Variants in RABGEF1 observed in about 807,000 individuals in gnomAD.
RABGEF1 encodes RAB guanine nucleotide exchange factor 1, also known as rab5 GDP/GTP exchange factor.
A neutral mutation model predicts 57.3 loss-of-function variants in RABGEF1; 26 were observed. The observed-to-expected ratio is 0.45, with a 90% CI of 0.33 to 0.63. RABGEF1 has a LOEUF of 0.63. Ranked by LOEUF, RABGEF1 falls within the 20% of genes least tolerant of loss-of-function variation. RABGEF1 has a pLI of 0.02. For missense variants in RABGEF1, 464 were observed against 607.6 expected, an observed-to-expected ratio of 0.76 and a Z score of 2.48; for synonymous variants, 185 against 210.7, an observed-to-expected ratio of 0.88 and a Z score of 1.06.
intron 7 of RABGEF1, among the ~76,000 whole-genome samples, chr7:66,802,457 A>G (rs1328188537): frequency 6.6e-6 from 1 of 152,172 alleles, no homozygotes; most frequent in Non-Finnish European, 1.5e-5. Context: ...TTTCCTATTC[A>G]TGTGAAGGCA....
At chr7:66,748,362 C>T (rs1280309919) in intron 1 of RABGEF1, among the ~76,000 whole-genome samples, 2 of 152,170 alleles carry the variant, frequency 1.3e-5, no homozygotes, top group African/African-American at 4.8e-5. Context: ...ACCTACCTTC[C>T]ATACTTTCTC....
intron 1 of RABGEF1, among the ~76,000 whole-genome samples, chr7:66,703,566 C>T (rs1268652768): frequency 6.6e-6 from 1 of 152,172 alleles, no homozygotes; most frequent in Admixed American, 6.5e-5. Flanking sequence ...TTCTTTCCCC[C>T]ATTGAATGAT....
At chr7:66,657,454 CA>C in the RABGEF1 span, among the ~76,000 whole-genome samples, 1 of 152,146 alleles carries the variant, frequency 6.6e-6, no homozygotes, top group Non-Finnish European at 1.5e-5. Flanking sequence ...AATGAAAACA[CA>C]ACATACCAGA....
At chr7:66,737,067 A>AGT (rs1371524253), upstream of RABGEF1, among the ~76,000 whole-genome samples, 71 of 85,654 alleles carry the variant, frequency 8.3e-4, 1 homozygote, top group South Asian at 3.7e-3. Flanking sequence ...AGAGAGAGAG[A>AGT]GAGAGTGAGA....
intron 1 of RABGEF1, among the ~76,000 whole-genome samples, chr7:66,765,400 T>A (rs1339003203): frequency 6.6e-6 from 1 of 152,086 alleles, no homozygotes; most frequent in African/African-American, 2.4e-5. Flanking sequence ...AGCACTCCTT[T>A]ATGTTTTTCT....
intron 1 of RABGEF1, among the ~76,000 whole-genome samples, chr7:66,745,027 A>C (rs992815648): frequency 3.3e-5 from 5 of 151,474 alleles, no homozygotes; most frequent in Non-Finnish European, 5.9e-5. Flanking sequence ...CCCATCTCTA[A>C]TAAAAATACA....
intron 4 of RABGEF1, among the ~76,000 whole-genome samples, chr7:66,795,052 C>T (rs1813685258): frequency 6.6e-6 from 1 of 152,154 alleles, no homozygotes; most frequent in Non-Finnish European, 1.5e-5. Context: ...CCAGCCTGCC[C>T]ACCGGGGTGG....
At chr7:66,691,473 A>G (rs1235152260) in intron 1 of RABGEF1, among the ~76,000 whole-genome samples, 1 of 152,184 alleles carries the variant, frequency 6.6e-6, no homozygotes, top group Admixed American at 6.6e-5. Context: ...ATGAGTGTCA[A>G]AAAATATGCT....
chr7:66,751,929 G>C (rs78864116), intron 1 of RABGEF1, among the ~76,000 whole-genome samples: 5 of 152,170 alleles, frequency 3.3e-5, no homozygotes, highest in African/African-American at 9.6e-5. Flanking sequence ...GGGCACATTG[G>C]CTCACACCTG....
chr7:66,655,533 T>C, the RABGEF1 span, among the ~76,000 whole-genome samples: 1 of 152,190 alleles, frequency 6.6e-6, no homozygotes. Context: ...AACTGCTTTG[T>C]TTTTCTTTAT....
chr7:66,776,353 T>C (rs1808532185), intron 3 of RABGEF1, among the ~76,000 whole-genome samples: 1 of 152,328 alleles, frequency 6.6e-6, no homozygotes, highest in Middle Eastern at 3.4e-3. Context: ...TTTTGTTTTA[T>C]TAAAAGGAAA....
the RABGEF1 span, among the ~76,000 whole-genome samples, chr7:66,672,236 C>T: frequency 2.0e-5 from 3 of 148,714 alleles, no homozygotes; most frequent in Non-Finnish European, 4.4e-5. Flanking sequence ...TCCTGGCTAA[C>T]GTGGTGAAAC....
chr7:66,783,944 A>G, intron 4 of RABGEF1, 103 bp downstream of exon 4: 1 of 1,122,708 alleles, frequency 8.9e-7, no homozygotes, highest in Non-Finnish European at 1.2e-6. Flanking sequence ...AGAAAAATCC[A>G]GACCAAGAGA....
At chr7:66,664,428 GT>G in the RABGEF1 span, among the ~76,000 whole-genome samples, 78 of 141,152 alleles carry the variant, frequency 5.5e-4, no homozygotes, top group East Asian at 1.5e-3. Context: ...GAAGTTTTTT[GT>G]TTTTTTTTTT....
chr7:66,731,053 G>A (rs1290454842), intron 2 of RABGEF1, among the ~76,000 whole-genome samples: 1 of 152,178 alleles, frequency 6.6e-6, no homozygotes, highest in Non-Finnish European at 1.5e-5. Flanking sequence ...ACCTCCTGCT[G>A]CTTTGGGACT....
chr7:66,706,160 G>C (rs540244226), intron 1 of RABGEF1, among the ~76,000 whole-genome samples: 14 of 151,356 alleles, frequency 9.2e-5, no homozygotes, highest in African/African-American at 3.4e-4. Flanking sequence ...CCTCGGCCTC[G>C]CAAAGTCCTG....
intron 3 of RABGEF1, among the ~76,000 whole-genome samples, chr7:66,782,622 C>A (rs138280421): frequency 1.3e-5 from 2 of 151,988 alleles, no homozygotes; most frequent in African/African-American, 4.8e-5. Context: ...TAGGTATGCA[C>A]TACCATGCCT....
intron 1 of RABGEF1, chr7:66,748,833 G>C (rs953932031): frequency 5.1e-6 from 1 of 197,940 alleles, no homozygotes; most frequent in African/African-American, 2.3e-5. Flanking sequence ...CGAACTTTCT[G>C]ATTAGACCAA....
intron 7 of RABGEF1, among the ~76,000 whole-genome samples, chr7:66,802,447 T>C (rs1227976394): frequency 1.3e-5 from 2 of 152,334 alleles, no homozygotes; most frequent in Non-Finnish European, 1.5e-5. Flanking sequence ...TAGCTCTGTG[T>C]TTCCTATTCA....
Sources: allele counts gnomAD v4.1 joint callset (sites outside exome capture counted in the v4.1 genomes callset), GRCh38; gene constraint gnomAD v4.1.1; transcripts MANE v1.5; gene names NCBI Gene and HGNC (gene_info 2026-07-23, HGNC 2026-07-21).